OGDH: variants seen among roughly 807,000 people sequenced by gnomAD.
OGDH encodes 2-oxoglutarate dehydrogenase complex component E1.
In OGDH, 38 loss-of-function variants were observed where a neutral mutation model predicts 116.6. The observed-to-expected ratio is 0.33, with a 90% CI of 0.25 to 0.43. The LOEUF (loss-of-function observed/expected upper bound fraction) is 0.43. Ranked by LOEUF, OGDH falls within the 20% of genes least tolerant of loss-of-function variation. OGDH has a pLI of 1.00. For synonymous variants in OGDH, 488 were observed against 533.3 expected (o/e 0.92, Z 1.17); for missense variants, 825 against 1,357.2 (o/e 0.61, Z 6.16).
chr7:44,647,395 C>T, intron 3 of OGDH: 1 of 1,323,834 alleles, frequency 7.6e-7, no homozygotes, highest in South Asian at 1.3e-5. Flanking sequence ...TAACCCTCCC[C>T]ACAGCTCACT....
chr7:44,666,974 CAG>C, intron 5 of OGDH, 123 bp downstream of exon 5: 5 of 626,004 alleles, frequency 8.0e-6, no homozygotes, highest in South Asian at 4.3e-5. Flanking sequence ...TTCTCTGAGA[CAG>C]AGTTACTGTC....
chr7:44,612,111 T>G (rs928260730), intron 1 of OGDH, among the ~76,000 whole-genome samples: 1 of 152,014 alleles, frequency 6.6e-6, no homozygotes, highest in Non-Finnish European at 1.5e-5. Flanking sequence ...TTGTGGGGGG[T>G]TTTTGCTTAT....
At chr7:44,610,971 T>C (rs1321580601) in intron 1 of OGDH, among the ~76,000 whole-genome samples, 1 of 152,182 alleles carries the variant, frequency 6.6e-6, no homozygotes, top group African/African-American at 2.4e-5. Flanking sequence ...TGAGGTCTGG[T>C]TTACCAATTT....
intron 1 of OGDH, chr7:44,622,774 A>G (rs1012875476): frequency 1.2e-4 from 19 of 152,216 alleles, no homozygotes; most frequent in Non-Finnish European, 2.4e-4. Context: ...ATGAGCAACC[A>G]TGTAGGCCAG....
chr7:44,698,770 G>A (rs1788698473), intron 18 of OGDH, among the ~76,000 whole-genome samples: 1 of 151,856 alleles, frequency 6.6e-6, no homozygotes, highest in South Asian at 2.1e-4. Flanking sequence ...GAGCTTGGGA[G>A]GTCAAGGCTG....
At chr7:44,633,436 T>C (rs999570333) in intron 2 of OGDH, among the ~76,000 whole-genome samples, 20 of 152,098 alleles carry the variant, frequency 1.3e-4, no homozygotes, top group African/African-American at 4.6e-4. Flanking sequence ...AGTCTGAAGC[T>C]GGGTGGCGGT....
intron 9 of OGDH, 25 bp downstream of exon 9, chr7:44,676,174 A>G: frequency 6.2e-7 from 1 of 1,614,172 alleles, no homozygotes; most frequent in Non-Finnish European, 8.5e-7. Context: ...GAGGCGTGCA[A>G]GGCAGATCGT....
Position 44,681,728 on chromosome 7 carries a change from C to T in OGDH, c.1215C>T (p.Ser405=), listed in dbSNP as rs770526771. 22 of 1,614,022 alleles carry T rather than the reference C, an allele frequency of 1.4e-5. No homozygotes were observed. Among genetic ancestry groups the T allele is most frequent in the Non-Finnish European group, 1.9e-5 (22 of 1,179,940 alleles). The change falls in exon 10 of 23, where the codon TCC becomes TCT. Residue 405 remains serine (S), a synonymous_variant. Transcript: ENST00000222673. ...TCCTTTGGTGTTTACAGGTCATGTC[C>T]ATCCTGTTGCATGGGGATGCTGCAT... ...CGDTEGKKVM[S]ILLHGDAAFA...
chr7:44,631,012 T>C (rs965241732), intron 2 of OGDH, among the ~76,000 whole-genome samples: 1 of 152,160 alleles, frequency 6.6e-6, no homozygotes, highest in African/African-American at 2.4e-5. Flanking sequence ...TAATGCTCGC[T>C]TGCCGCTCAC....
chr7:44,620,170 A>G (rs28589910), intron 1 of OGDH, among the ~76,000 whole-genome samples: 47,258 of 152,016 alleles, frequency 0.31, 8,675 homozygotes, highest in Non-Finnish European at 0.41. Flanking sequence ...ACAGGCATGC[A>G]TGACCATGCC....
chr7:44,704,729 G>A (rs776811779), intron 20 of OGDH, among the ~76,000 whole-genome samples: 19 of 151,302 alleles, frequency 1.3e-4, no homozygotes, highest in Non-Finnish European at 2.5e-4. Context: ...GTTTTTTTCC[G>A]AGATGGAGTC....
chr7:44,698,586 C>G (rs1410432964), intron 18 of OGDH, among the ~76,000 whole-genome samples: 1 of 152,032 alleles, frequency 6.6e-6, no homozygotes, highest in South Asian at 2.1e-4. Flanking sequence ...GGTCTGGAAG[C>G]CCTGAGGAGG....
chr7:44,684,319 T>C (rs966817390), intron 10 of OGDH, among the ~76,000 whole-genome samples: 4 of 151,992 alleles, frequency 2.6e-5, no homozygotes, highest in African/African-American at 9.7e-5. Context: ...TAGAATTGAT[T>C]AGAGGAGGAC....
At chr7:44,704,989 G>A (rs1223026686) in intron 20 of OGDH, among the ~76,000 whole-genome samples, 1 of 151,638 alleles carries the variant, frequency 6.6e-6, no homozygotes, top group African/African-American at 2.4e-5. Context: ...GGGATTACAG[G>A]CGTGAGGCAC....
At position 44,694,027 on chromosome 7, in the gene OGDH, C is replaced by T. The variant is rs754617744; in HGVS notation, c.1515+23C>T. On this transcript the variant is annotated intron_variant, in intron 11 of 22. Transcript: ENST00000222673. The surrounding 1 kb of genome is among the most constrained non-coding windows in gnomAD (Gnocchi z 4.2). ...TTGGTGAGTGACTCTGGGGACAGCA[C>T]GTCCTGGGCAGAGCATCTGACCCAC... 1.3e-6 allele frequency: 2 copies of T among 1,594,914 alleles called. No homozygotes were observed. Among genetic ancestry groups the T allele is most frequent in the Middle Eastern group, 1.7e-4 (1 of 5,968 alleles).
rs183704535 is a variant in OGDH, at chr7:44,670,438, C to A, written c.634-3349C>A. Reference sequence around the variant, plus strand: ...CTGGGTTTGCAACTCAGGCATGGACCCCATCCAAAGAGGGTAGGTCCTCTT... The same window carrying A: ...CTGGGTTTGCAACTCAGGCATGGACACCATCCAAAGAGGGTAGGTCCTCTT... On this transcript the variant is annotated intron_variant, in intron 5 of 22. Transcript: ENST00000222673. 4.2e-3 allele frequency among the ~76,000 whole-genome samples: 638 copies of A among 152,170 alleles called. 10 individuals carry two copies. The highest frequency in any genetic ancestry group is 9.8e-3 in the South Asian group (47 of 4,816).
chr7:44,676,109 A>C lies in OGDH; in HGVS notation c.1166A>C (p.Lys389Thr). 6.2e-7 allele frequency: 1 copy of C among 1,614,110 alleles called. No individual in the cohort carries two copies. Among genetic ancestry groups the C allele is most frequent in the Non-Finnish European group, 8.5e-7 (1 of 1,180,016 alleles). ...AADPVVMGKT[K>T]AEQFYCGDTE... ...GACCCCGTGGTGATGGGCAAGACCA[A>C]AGCCGAACAGTTTTACTGTGGCGAC... is the stretch of plus-strand genomic sequence containing the variant. Residue 389 changes from lysine (K) to threonine (T), a missense_variant, in exon 9 of 23, where the codon AAA becomes ACA. Lys to Thr is a moderately conservative substitution (Grantham distance 78). Coordinates refer to ENST00000222673, the MANE Select transcript of OGDH (RefSeq NM_002541.4).
chr7:44,697,030 C>G lies in OGDH; in HGVS notation c.2017C>G (p.Leu673Val). 2 of 1,614,196 alleles carry G rather than the reference C, an allele frequency of 1.2e-6. No homozygotes were observed. The highest frequency in any genetic ancestry group is 1.7e-6 in the Non-Finnish European group (2 of 1,180,022). ...CCTGAAGGAGGGCATCCACATTCGG[C>G]TGAGCGGCCAGGACGTGGAGCGGGG... ...SLLKEGIHIR[L>V]SGQDVERGTF... Residue 673 changes from leucine (L) to valine (V), a missense_variant, in exon 15 of 23, where the codon CTG becomes GTG. Leu to Val is a conservative substitution (Grantham distance 32, BLOSUM62 1). This residue lies in a region of OGDH where 92 missense variants were observed against 129.7 expected (regional missense o/e 0.71). Transcript: ENST00000222673. The surrounding 1 kb of genome is among the most constrained non-coding windows in gnomAD (Gnocchi z 6.0).
chr7:44,670,930 G>A (rs1320219875), intron 5 of OGDH, among the ~76,000 whole-genome samples: 5 of 146,966 alleles, frequency 3.4e-5, no homozygotes, highest in Admixed American at 2.8e-4. Flanking sequence ...AGAATGGCAT[G>A]AACCCGGGAG....
Sources: gnomAD v4.1 joint callset for allele counts (sites outside exome capture counted in the v4.1 genomes callset) on GRCh38, gnomAD v4.1.1 for gene constraint, gnomAD v4.1.1 regional missense constraint, Gnocchi (gnomAD v3.1) non-coding constraint, MANE v1.5 for transcripts, NCBI Gene and HGNC (gene_info 2026-07-23, HGNC 2026-07-21) for gene names.